PDE1A: variants seen among roughly 807,000 people sequenced by gnomAD.
PDE1A encodes the protein phosphodiesterase 1A, also known as dual specificity calcium/calmodulin-dependent 3',5'-cyclic nucleotide phosphodiesterase 1A.
Under a neutral mutation model 61.7 loss-of-function variants are expected in PDE1A, and 35 were observed. That is an observed-to-expected ratio of 0.57 (90% CI 0.43 to 0.75). PDE1A has a LOEUF of 0.75. Among genes scored for constraint, PDE1A ranks in the 30% least tolerant of loss-of-function variants. The probability of loss-of-function intolerance (pLI) is 0.00; values close to 1 mark genes in which losing one functional copy is unlikely to be tolerated. For missense variants in PDE1A, 597 were observed against 630.6 expected (o/e 0.95, Z 0.57); for synonymous variants, 232 against 213.2 (o/e 1.09, Z -0.77).
chr2:182,337,685 G>A (rs12988258), intron 1 of PDE1A, among the ~76,000 whole-genome samples: 40,844 of 151,932 alleles, frequency 0.27, 5,593 homozygotes, highest in Middle Eastern at 0.38. Flanking sequence ...AATAACCTTC[G>A]ACAGCTGATC....
the PDE1A span, among the ~76,000 whole-genome samples, chr2:182,638,697 A>G: frequency 6.6e-6 from 1 of 152,230 alleles, no homozygotes; most frequent in East Asian, 1.9e-4. Flanking sequence ...AGCAACTAAA[A>G]TCATGACAAA....
chr2:182,247,705 A>G (rs1447841453), intron 2 of PDE1A, among the ~76,000 whole-genome samples: 1 of 152,198 alleles, frequency 6.6e-6, no homozygotes, highest in African/African-American at 2.4e-5. Flanking sequence ...TTTCACCGGC[A>G]GATAATTATT....
At chr2:182,347,096 CAGAA>C (rs1698564496) in intron 1 of PDE1A, among the ~76,000 whole-genome samples, 1 of 147,732 alleles carries the variant, frequency 6.8e-6, no homozygotes, top group Non-Finnish European at 1.5e-5. Flanking sequence ...TCATCTATGT[CAGAA>C]AGAAAGACAA....
intron 13 of PDE1A, among the ~76,000 whole-genome samples, chr2:182,154,070 A>G (rs1004493993): frequency 2.0e-5 from 3 of 152,182 alleles, no homozygotes; most frequent in Non-Finnish European, 4.4e-5. Flanking sequence ...TAATCTGTAA[A>G]ATGATGCAAA....
the PDE1A span, among the ~76,000 whole-genome samples, chr2:182,574,622 T>C: frequency 6.6e-6 from 1 of 152,256 alleles, no homozygotes; most frequent in Non-Finnish European, 1.5e-5. Context: ...TACAAGCGTA[T>C]ACATGCACAA....
the PDE1A span, among the ~76,000 whole-genome samples, chr2:182,690,071 A>G: frequency 6.6e-6 from 1 of 152,180 alleles, no homozygotes; most frequent in Admixed American, 6.5e-5. Flanking sequence ...CCAGGACCAG[A>G]TGGATTCACA....
At chr2:182,673,144 T>C in the PDE1A span, among the ~76,000 whole-genome samples, 17 of 152,350 alleles carry the variant, frequency 1.1e-4, no homozygotes, top group East Asian at 2.7e-3. Context: ...TATGCCATTA[T>C]ATCATTAGCC....
At chr2:182,676,797 G>T in the PDE1A span, among the ~76,000 whole-genome samples, 2 of 152,106 alleles carry the variant, frequency 1.3e-5, no homozygotes, top group Non-Finnish European at 2.9e-5. Flanking sequence ...CACATAAAGA[G>T]ACCTAAAGAC....
rs201821721 is a variant in PDE1A, at chr2:182,364,466, T to TAAAAAAAAAAAAAAAAAAAA, written c.53+62092_53+62111dup. On this transcript the variant is annotated intron_variant, in intron 1 of 13. Transcript: ENST00000351439. ...CTCAGACTATATTAGAACACTTTGGTAAAAAAAAAAAAAAAAAAAAAAAAA... is the reference window on the plus strand; with the variant it reads ...CTCAGACTATATTAGAACACTTTGGTAAAAAAAAAAAAAAAAAAAAAAAAAAAAAAAAAAAAAAAAAAAAA... Among the ~76,000 whole-genome samples the TAAAAAAAAAAAAAAAAAAAA allele has an allele frequency of 1.1e-3, 41 of 35,844 alleles. 14 individuals are homozygous for TAAAAAAAAAAAAAAAAAAAA. The highest frequency in any genetic ancestry group is 2.6e-3 in the East Asian group (4 of 1,512). 23.5% of individuals were successfully genotyped at this position (35,844 alleles called of 152,430 possible).
chr2:182,357,901 G>A (rs1188897658), intron 1 of PDE1A, among the ~76,000 whole-genome samples: 1 of 152,164 alleles, frequency 6.6e-6, no homozygotes, highest in Non-Finnish European at 1.5e-5. Context: ...TGAAATATAT[G>A]TTAGATTTAT....
the PDE1A span, among the ~76,000 whole-genome samples, chr2:182,708,181 C>G: frequency 6.6e-6 from 1 of 151,972 alleles, no homozygotes; most frequent in Non-Finnish European, 1.5e-5. Flanking sequence ...GGACTAGGCT[C>G]CCCAGATTCA....
At chr2:182,511,588 AT>A (rs1186920498) in intron 2 of PDE1A, among the ~76,000 whole-genome samples, 1 of 152,176 alleles carries the variant, frequency 6.6e-6, no homozygotes, top group Admixed American at 6.5e-5. Flanking sequence ...GGGAACAGCT[AT>A]AGTGGAGCAC....
exon 2 of PDE1A, chr2:182,522,369 G>C: frequency 6.2e-7 from 1 of 1,613,316 alleles, no homozygotes; most frequent in Non-Finnish European, 8.5e-7. Context: ...TGTGGCACTA[G>C]ACCCCATGAT....
At chr2:182,636,494 G>T in the PDE1A span, among the ~76,000 whole-genome samples, 4 of 152,046 alleles carry the variant, frequency 2.6e-5, no homozygotes, top group Non-Finnish European at 2.9e-5. Context: ...CACCCAAAAG[G>T]TGATTAAGTC....
chr2:182,152,722 A>AT (rs1169414360), intron 13 of PDE1A, among the ~76,000 whole-genome samples: 7 of 151,832 alleles, frequency 4.6e-5, no homozygotes, highest in South Asian at 2.1e-4. Flanking sequence ...TGCCCAGCCT[A>AT]TTTTTTTCCT....
At chr2:182,146,116 T>C (rs1690480346), downstream of PDE1A, among the ~76,000 whole-genome samples, 1 of 152,230 alleles carries the variant, frequency 6.6e-6, no homozygotes, top group Non-Finnish European at 1.5e-5. Flanking sequence ...CCCTCCTTTC[T>C]AACTGCCCAT....
chr2:182,557,350 C>G, the PDE1A span, among the ~76,000 whole-genome samples: 3 of 152,116 alleles, frequency 2.0e-5, no homozygotes, highest in Non-Finnish European at 1.5e-5. Context: ...ATTGTCTGAA[C>G]ATAATTTCTC....
intron 1 of PDE1A, among the ~76,000 whole-genome samples, chr2:182,277,489 T>C (rs917891630): frequency 1.3e-5 from 2 of 152,074 alleles, no homozygotes; most frequent in Non-Finnish European, 2.9e-5. Flanking sequence ...GAGACCACCA[T>C]AGTCTCACTG....
At chr2:182,334,687 C>CCCATTT (rs1697662566) in intron 1 of PDE1A, among the ~76,000 whole-genome samples, 1 of 152,172 alleles carries the variant, frequency 6.6e-6, no homozygotes, top group African/African-American at 2.4e-5. Context: ...TGGGCAAAAG[C>CCCATTT]TGGAAGCGTT....
Sources: gnomAD v4.1 joint callset for allele counts (sites outside exome capture counted in the v4.1 genomes callset) on GRCh38, gnomAD v4.1.1 for gene constraint, MANE v1.5 for transcripts, NCBI Gene and HGNC (gene_info 2026-07-23, HGNC 2026-07-21) for gene names.